The following MROH1 variants were observed in gnomAD, a reference collection of about 807,000 sequenced individuals.
The protein encoded by MROH1 is maestro heat-like repeat-containing protein family member 1.
Under a neutral mutation model 116.5 loss-of-function variants are expected in MROH1, and 117 were observed. The observed-to-expected ratio is 1.00, with a 90% confidence interval of 0.86 to 1.17. MROH1 has a LOEUF of 1.17. Among genes scored for constraint, MROH1 ranks in the 50% most tolerant of loss-of-function variants. The pLI, the probability that MROH1 is intolerant of heterozygous loss-of-function variation, is 0.00. For synonymous variants in MROH1, 921 were observed against 583.9 expected, an observed-to-expected ratio of 1.58 and a Z score of -8.32; for missense variants, 1,873 against 1,338.5, an observed-to-expected ratio of 1.40 and a Z score of -6.23.
intron 3 of MROH1, among the ~76,000 whole-genome samples, chr8:144,165,078 C>T (rs1285659921): frequency 2.0e-5 from 3 of 151,894 alleles, no homozygotes; most frequent in East Asian, 3.9e-4. Flanking sequence ...CCCACCTCAG[C>T]CTCCCAAGTA....
intron 7 of MROH1, among the ~76,000 whole-genome samples, chr8:144,188,063 G>A (rs1011381526): frequency 6.6e-6 from 1 of 152,234 alleles, no homozygotes; most frequent in African/African-American, 2.4e-5. Flanking sequence ...TCGCAGGACT[G>A]TCGGGAGCAC....
intron 4 of MROH1, among the ~76,000 whole-genome samples, chr8:144,177,654 G>A (rs1298678339): frequency 6.6e-6 from 1 of 152,190 alleles, no homozygotes; most frequent in Non-Finnish European, 1.5e-5. Context: ...ATGTTGAAAT[G>A]TAATCCCCAG....
rs767814132 is a variant in MROH1, at chr8:144,220,700, G to A, written c.1215+27G>A. On this transcript the variant is annotated intron_variant, in intron 13 of 43. Transcript: ENST00000326134. ...TAAACCACATGGGCCAGCCCAGGCTGCACCACCACACCACAGGCAGCTGCA... is the reference window on the plus strand; with the variant it reads ...TAAACCACATGGGCCAGCCCAGGCTACACCACCACACCACAGGCAGCTGCA... 1.1e-5 allele frequency: 17 copies of A among 1,552,090 alleles called. No individual in the cohort carries two copies. The East Asian group carries it at 3.9e-4, about 35-fold the overall frequency.
chr8:144,227,654 A>C (rs1196494130), intron 14 of MROH1, among the ~76,000 whole-genome samples: 3 of 148,426 alleles, frequency 2.0e-5, no homozygotes, highest in African/African-American at 7.6e-5. Flanking sequence ...CACACACACA[A>C]AAAGTTGAAT....
chr8:144,220,817 TGCCATTCAGTGTGTG>T (rs1218328416), intron 13 of MROH1, 144 bp downstream of exon 13: 1 of 678,688 alleles, frequency 1.5e-6, no homozygotes, highest in African/African-American at 1.8e-5. Context: ...GATGACAGTG[TGCCATTCAGTGTGTG>T]GCTGGTGCTT....
intron 7 of MROH1, among the ~76,000 whole-genome samples, chr8:144,181,124 G>A (rs1449125194): frequency 2.6e-5 from 4 of 152,170 alleles, no homozygotes; most frequent in East Asian, 1.9e-4. Flanking sequence ...CCACGGCCTC[G>A]TGCTCCCGGT....
At chr8:144,245,772 G>A (rs968578798) in intron 29 of MROH1, among the ~76,000 whole-genome samples, 11 of 151,958 alleles carry the variant, frequency 7.2e-5, no homozygotes, top group African/African-American at 2.4e-4. Flanking sequence ...TGATCCTCCC[G>A]CCTTGGCCTC....
chr8:144,244,101 C>CATGCTG, intron 26 of MROH1, 121 bp from the exon 27 acceptor site: 1 of 698,810 alleles, frequency 1.4e-6, no homozygotes, highest in Non-Finnish European at 2.6e-6. Flanking sequence ...TGGGGTGCCG[C>CATGCTG]CATGGTCTGG....
At chr8:144,210,945 T>C (rs1350077655) in intron 12 of MROH1, among the ~76,000 whole-genome samples, 1 of 152,140 alleles carries the variant, frequency 6.6e-6, no homozygotes, top group Non-Finnish European at 1.5e-5. Context: ...CACAACTCTT[T>C]TCATCTTGCA....
intron 1 of MROH1, among the ~76,000 whole-genome samples, chr8:144,160,341 G>A (rs532756770): frequency 1.3e-5 from 2 of 152,216 alleles, no homozygotes; most frequent in African/African-American, 4.8e-5. Context: ...TTTCCACTCC[G>A]GCTGCTGGGA....
intron 29 of MROH1, 38 bp from the exon 30 acceptor site, chr8:144,247,263 C>T (rs1842073741): frequency 2.6e-6 from 2 of 760,138 alleles, no homozygotes; most frequent in Non-Finnish European, 4.8e-6. Context: ...ATCCACCCAC[C>T]CCCAGCATTC....
chr8:144,150,321 C>A (rs1816406139), intron 1 of MROH1, among the ~76,000 whole-genome samples: 1 of 152,166 alleles, frequency 6.6e-6, no homozygotes, highest in Non-Finnish European at 1.5e-5. Flanking sequence ...CCCTATCAAC[C>A]CTGCCTGCCA....
chr8:144,185,492 G>A (rs1307325703), intron 7 of MROH1, among the ~76,000 whole-genome samples: 3 of 149,140 alleles, frequency 2.0e-5, no homozygotes, highest in Non-Finnish European at 3.0e-5. Context: ...GTGAATAGAT[G>A]TGAGGACAGC....
intron 32 of MROH1, 80 bp downstream of exon 32, chr8:144,249,109 G>C (rs1842405618): frequency 1.4e-6 from 1 of 701,716 alleles, no homozygotes; most frequent in African/African-American, 1.8e-5. Context: ...CAGGAGTGGG[G>C]TAGTGGCTCT....
At chr8:144,153,466 G>A (rs1333289891) in intron 1 of MROH1, among the ~76,000 whole-genome samples, 2 of 152,136 alleles carry the variant, frequency 1.3e-5, no homozygotes, top group African/African-American at 4.8e-5. Flanking sequence ...CAAAGTGCTG[G>A]GATTACAGGT....
At chr8:144,244,178 T>G (rs1295085653) in intron 26 of MROH1, 44 bp from the exon 27 acceptor site, 2 of 713,460 alleles carry the variant, frequency 2.8e-6, no homozygotes, top group Non-Finnish European at 5.2e-6. Context: ...TGTCTGAGTT[T>G]CAGCCTTAGG....
Position 144,245,223 on chromosome 8 carries a change from TC to T in MROH1, c.2836del (p.Leu946CysfsTer93). 1.3e-6 allele frequency: 1 copy of T among 779,038 alleles called. No individual in the cohort carries two copies. Among genetic ancestry groups the T allele is most frequent in the Non-Finnish European group, 2.4e-6 (1 of 417,776 alleles). 48.3% of individuals were successfully genotyped at this position (779,038 alleles called of 1,614,324 possible). A position where few individuals can be genotyped will look rare whatever the true frequency, so the allele number is the denominator to read the frequency against. On this transcript the variant is annotated frameshift_variant, in exon 29 of 44. Transcript: ENST00000326134. LOFTEE classifies it high-confidence loss of function. ...GCGCGGGCCCTGGGCCTGAGCGCCC[TC>T]CTGCTGCGCTACTTCCTGGAGCACC... is the stretch of plus-strand genomic sequence containing the variant. ...ERARALGLSALLLRYFLEHLR... is the reference protein window; with the variant it reads ...ERARALGLSAXLLRYFLEHLR...
At chr8:144,257,664 G>A (rs967713015) in intron 35 of MROH1, among the ~76,000 whole-genome samples, 4 of 152,148 alleles carry the variant, frequency 2.6e-5, no homozygotes, top group South Asian at 2.1e-4. Context: ...CCAGCTTGGC[G>A]GGGCCACTTG....
chr8:144,210,191 C>T (rs1833791646), intron 12 of MROH1, among the ~76,000 whole-genome samples: 1 of 152,122 alleles, frequency 6.6e-6, no homozygotes, highest in Non-Finnish European at 1.5e-5. Flanking sequence ...GTAATCCTAG[C>T]ATTTTGGGAG....
Sources: gnomAD v4.1 joint callset for allele counts (sites outside exome capture counted in the v4.1 genomes callset) on GRCh38, gnomAD v4.1.1 for gene constraint, MANE v1.5 for transcripts, NCBI Gene and HGNC (gene_info 2026-07-23, HGNC 2026-07-21) for gene names.